Variants in HPSE2 observed in about 807,000 individuals in gnomAD.
HPSE2 encodes heparanase 2 (inactive).
In HPSE2, 38 loss-of-function variants were observed where a neutral mutation model predicts 60.5. The observed-to-expected ratio is 0.63, with a 90% CI of 0.48 to 0.82. HPSE2 has a LOEUF of 0.82. Among genes scored for constraint, HPSE2 ranks in the 40% least tolerant of loss-of-function variants. HPSE2 has a pLI of 0.00. For missense variants in HPSE2, 713 were observed against 740.4 expected (o/e 0.96, Z 0.43); for synonymous variants, 295 against 293.2 (o/e 1.01, Z -0.06).
chr10:98,866,613 GA>G (rs1451287706), intron 3 of HPSE2, among the ~76,000 whole-genome samples: 3 of 151,922 alleles, frequency 2.0e-5, no homozygotes, highest in African/African-American at 7.2e-5. Context: ...TGTAGACAGA[GA>G]AGAAAAACAC....
intron 3 of HPSE2, among the ~76,000 whole-genome samples, chr10:99,015,731 A>G (rs1589521367): frequency 1.3e-5 from 2 of 152,266 alleles, no homozygotes; most frequent in East Asian, 3.9e-4. Context: ...GGACGAGTTA[A>G]TGGGTGCAGC....
intron 3 of HPSE2, among the ~76,000 whole-genome samples, chr10:98,799,384 A>T (rs1189099865): frequency 1.3e-5 from 2 of 152,218 alleles, no homozygotes; most frequent in African/African-American, 4.8e-5. Flanking sequence ...GATCTCTCAG[A>T]TGGAAAATCA....
chr10:99,200,043 G>A (rs975768105), intron 2 of HPSE2, among the ~76,000 whole-genome samples: 18 of 151,942 alleles, frequency 1.2e-4, no homozygotes, highest in Non-Finnish European at 2.6e-4. Context: ...TGATGCTATT[G>A]TAAATGGAAT....
intron 5 of HPSE2, among the ~76,000 whole-genome samples, chr10:98,700,252 G>T (rs1948366173): frequency 6.7e-6 from 1 of 150,066 alleles, no homozygotes; most frequent in African/African-American, 2.4e-5. Context: ...TATACTACAA[G>T]GCTACAGTAA....
At chr10:99,160,212 A>G (rs1846770543) in intron 2 of HPSE2, among the ~76,000 whole-genome samples, 1 of 152,096 alleles carries the variant, frequency 6.6e-6, no homozygotes, top group African/African-American at 2.4e-5. Context: ...AAATATATAT[A>G]AAGAATGTTT....
intron 3 of HPSE2, among the ~76,000 whole-genome samples, chr10:98,871,151 T>C (rs940130440): frequency 4.6e-5 from 7 of 152,164 alleles, no homozygotes; most frequent in African/African-American, 1.2e-4. Flanking sequence ...CAGTCTCGAG[T>C]ATTCCTTTAT....
At chr10:98,657,230 A>T in intron 6 of HPSE2, among the ~76,000 whole-genome samples, 1 of 148,592 alleles carries the variant, frequency 6.7e-6, no homozygotes. Context: ...AAAAGCATTC[A>T]ATAATTCCCA....
At chr10:99,307,742 G>C in the HPSE2 span, among the ~76,000 whole-genome samples, 1 of 151,982 alleles carries the variant, frequency 6.6e-6, no homozygotes, top group African/African-American at 2.4e-5. Flanking sequence ...CCTTGACCCT[G>C]ATTATATGAA....
intron 3 of HPSE2, among the ~76,000 whole-genome samples, chr10:99,072,851 C>T (rs1304930230): frequency 6.9e-6 from 1 of 145,398 alleles, no homozygotes; most frequent in Non-Finnish European, 1.5e-5. Context: ...ATTGCTTGAA[C>T]CTGGGAGGTG....
intron 3 of HPSE2, among the ~76,000 whole-genome samples, chr10:99,058,029 G>C (rs1958153142): frequency 6.6e-6 from 1 of 152,172 alleles, no homozygotes; most frequent in Non-Finnish European, 1.5e-5. Context: ...TCATGGAGGG[G>C]AATGATAAAA....
chr10:99,050,246 G>T (rs1184518537), intron 3 of HPSE2, among the ~76,000 whole-genome samples: 1 of 151,988 alleles, frequency 6.6e-6, no homozygotes, highest in Non-Finnish European at 1.5e-5. Context: ...AGGCTGTAGT[G>T]GGGTATGACT....
At chr10:99,018,250 T>C (rs1322812745) in intron 3 of HPSE2, among the ~76,000 whole-genome samples, 1 of 152,230 alleles carries the variant, frequency 6.6e-6, no homozygotes, top group African/African-American at 2.4e-5. Context: ...ACATGATCTT[T>C]GTGGTCTCCT....
At chr10:98,947,256 TA>T (rs1367870113) in intron 3 of HPSE2, among the ~76,000 whole-genome samples, 1 of 152,152 alleles carries the variant, frequency 6.6e-6, no homozygotes, top group African/African-American at 2.4e-5. Flanking sequence ...AATACCTTCT[TA>T]TCTCATATTG....
chr10:98,651,825 T>C (rs1291107160), intron 6 of HPSE2, among the ~76,000 whole-genome samples: 1 of 150,596 alleles, frequency 6.6e-6, no homozygotes, highest in East Asian at 2.0e-4. Context: ...CAGGCTGGAG[T>C]GCAGTGGTGT....
intron 9 of HPSE2, among the ~76,000 whole-genome samples, chr10:98,550,842 CA>C (rs1226443668): frequency 6.6e-6 from 1 of 152,080 alleles, no homozygotes; most frequent in Admixed American, 6.6e-5. Context: ...CTCCTGGCTT[CA>C]AGTGATCCTC....
intron 2 of HPSE2, among the ~76,000 whole-genome samples, chr10:99,154,478 C>A (rs1344118509): frequency 8.1e-6 from 1 of 123,428 alleles, no homozygotes; most frequent in Non-Finnish European, 1.7e-5. Context: ...ATTTTCAACC[C>A]AGAATTTCAT....
At chr10:99,213,802 C>T (rs1849028935) in intron 2 of HPSE2, among the ~76,000 whole-genome samples, 1 of 151,994 alleles carries the variant, frequency 6.6e-6, no homozygotes. Context: ...TCCTCTTCTA[C>T]AAAATGGGAA....
intron 3 of HPSE2, among the ~76,000 whole-genome samples, chr10:99,109,340 T>A (rs1844368587): frequency 6.6e-6 from 1 of 152,182 alleles, no homozygotes; most frequent in South Asian, 2.1e-4. Flanking sequence ...CTAATAACAC[T>A]TTCAAATTAA....
intron 10 of HPSE2, among the ~76,000 whole-genome samples, chr10:98,484,211 GTCCT>G (rs1007399619): frequency 3.6e-4 from 52 of 145,614 alleles, no homozygotes; most frequent in African/African-American, 1.3e-3. Flanking sequence ...TTCTTTTTCT[GTCCT>G]TCCTTCCTTC....
Sources: gnomAD v4.1 joint callset for allele counts (sites outside exome capture counted in the v4.1 genomes callset) on GRCh38, gnomAD v4.1.1 for gene constraint, MANE v1.5 for transcripts, NCBI Gene and HGNC (gene_info 2026-07-23, HGNC 2026-07-21) for gene names.